Variants in FHIP1A observed in about 807,000 individuals in gnomAD.
FHIP1A encodes FHF complex subunit HOOK-interacting protein 1A.
FHIP1A carries 61 observed loss-of-function variants against 88.6 expected under a neutral mutation model. That is an observed-to-expected ratio of 0.69 (90% CI 0.56 to 0.85). The LOEUF (loss-of-function observed/expected upper bound fraction) is 0.85. FHIP1A is among the 40% of genes least tolerant of loss of function. FHIP1A has a pLI of 0.00. For synonymous variants in FHIP1A, 478 were observed against 496.0 expected (o/e 0.96, Z 0.48); for missense variants, 1,154 against 1,273.5 (o/e 0.91, Z 1.43).
rs556413759 is a variant in FHIP1A at position 151,559,246 on chromosome 4, A to G, written c.-122-6892A>G. ...ACTTCAAATATGTTGTCATTGCTAT[A>G]CTTATGGTAGACATAGCAAGTCCTT... is the stretch of plus-strand genomic sequence containing the variant. On this transcript the variant is annotated intron_variant, in intron 3 of 13. Transcript: ENST00000435205. 3.3e-5 allele frequency among the ~76,000 whole-genome samples: 5 copies of G among 152,328 alleles called. No individual in the cohort carries two copies. The South Asian group carries it at 1.0e-3, about 32-fold the overall frequency.
intron 3 of FHIP1A, among the ~76,000 whole-genome samples, chr4:151,552,249 A>G (rs1363241640): frequency 1.3e-5 from 2 of 152,232 alleles, no homozygotes; most frequent in African/African-American, 2.4e-5. Flanking sequence ...TAGTTCAACC[A>G]TTGTGGAAGA....
At chr4:151,657,403 G>T (rs1442812248) in intron 13 of FHIP1A, among the ~76,000 whole-genome samples, 1 of 152,120 alleles carries the variant, frequency 6.6e-6, no homozygotes, top group African/African-American at 2.4e-5. Context: ...TAAAGTTTAT[G>T]CTCAGCCTAA....
chr4:151,480,396 T>A (rs541651954), intron 2 of FHIP1A, among the ~76,000 whole-genome samples: 1 of 152,164 alleles, frequency 6.6e-6, no homozygotes, highest in East Asian at 1.9e-4. Context: ...GTATTTCTCA[T>A]GAATTAGGGA....
intron 3 of FHIP1A, among the ~76,000 whole-genome samples, chr4:151,494,801 A>T (rs1730402539): frequency 6.6e-6 from 1 of 152,312 alleles, no homozygotes; most frequent in African/African-American, 2.4e-5. Context: ...CCTCTCCATG[A>T]GCATGGAATG....
chr4:151,452,304 T>A (rs1728817844), intron 1 of FHIP1A, among the ~76,000 whole-genome samples: 1 of 152,230 alleles, frequency 6.6e-6, no homozygotes. Context: ...TAGTGCTCTG[T>A]ATTCTGGCAG....
chr4:151,588,914 T>G lies in FHIP1A; in HGVS notation c.966T>G (p.Pro322=). 6.5e-7 allele frequency: 1 copy of G among 1,547,486 alleles called. No individual in the cohort carries two copies. The highest frequency in any genetic ancestry group is 8.7e-7 in the Non-Finnish European group (1 of 1,143,102). The change falls in exon 7 of 14, where the codon CCT becomes CCG. Residue 322 remains proline (P), a synonymous_variant. Coordinates refer to ENST00000435205, the MANE Select transcript of FHIP1A (RefSeq NM_001109977.3). ...GATTTTTGGTACCAGTCTTGGCTCC[T>G]GCTCTCCATAAGGTCAGTGATTGGC... ...YNGFLVPVLA[P]ALHKVTVEEV... is the part of the protein sequence containing the mutation.
At chr4:151,657,317 C>T (rs548090275) in intron 13 of FHIP1A, among the ~76,000 whole-genome samples, 9 of 151,926 alleles carry the variant, frequency 5.9e-5, no homozygotes, top group Non-Finnish European at 4.4e-5. Flanking sequence ...GCTCTTGGGC[C>T]AAAAATAAGT....
At chr4:151,506,081 A>G (rs1004833232) in intron 3 of FHIP1A, among the ~76,000 whole-genome samples, 6 of 152,028 alleles carry the variant, frequency 3.9e-5, no homozygotes, top group African/African-American at 1.4e-4. Flanking sequence ...GCCACCATGC[A>G]TGGCTAATTT....
intron 1 of FHIP1A, among the ~76,000 whole-genome samples, chr4:151,419,414 A>T (rs1448689844): frequency 1.3e-5 from 2 of 152,122 alleles, no homozygotes; most frequent in Non-Finnish European, 2.9e-5. Flanking sequence ...TGCGTAAGCC[A>T]CTTCCTTATA....
At chr4:151,504,738 C>A (rs1040610006) in intron 3 of FHIP1A, among the ~76,000 whole-genome samples, 6 of 152,164 alleles carry the variant, frequency 3.9e-5, no homozygotes, top group African/African-American at 1.4e-4. Flanking sequence ...TCACTTGCTT[C>A]AGCCTCCCAG....
intron 5 of FHIP1A, 131 bp downstream of exon 5, chr4:151,578,207 T>C (rs1733880313): frequency 1.2e-6 from 1 of 838,750 alleles, no homozygotes; most frequent in Non-Finnish European, 1.8e-6. Flanking sequence ...GAAGGATGTT[T>C]AGAGGAAATC....
chr4:151,492,297 G>A (rs12502207), intron 3 of FHIP1A, among the ~76,000 whole-genome samples: 474 of 152,164 alleles, frequency 3.1e-3, no homozygotes, highest in Admixed American at 5.2e-3. Flanking sequence ...AGCTGGGGGC[G>A]GTTGTGTAAT....
rs767105425 is a variant in FHIP1A, at chr4:151,629,879, G to A, written c.1146+10G>A. On this transcript the variant is annotated intron_variant, in intron 8 of 13. Transcript: ENST00000435205. ...CAACACCCCGTTTCGGGTAAGGAGA[G>A]CGCCAGAGGAAGGGAACTTACAACT... The A allele has an allele frequency of 3.2e-6, 5 of 1,548,892 alleles. No homozygotes were observed. Among genetic ancestry groups the A allele is most frequent in the South Asian group, 2.4e-5 (2 of 83,686 alleles).
At chr4:151,410,787 T>C (rs1437529092) in intron 1 of FHIP1A, among the ~76,000 whole-genome samples, 1 of 152,278 alleles carries the variant, frequency 6.6e-6, no homozygotes, top group Non-Finnish European at 1.5e-5. Context: ...TTGTTGGCTT[T>C]AGGTAACTTT....
intron 3 of FHIP1A, among the ~76,000 whole-genome samples, chr4:151,552,124 A>G (rs558927824): frequency 1.3e-5 from 2 of 152,322 alleles, no homozygotes; most frequent in South Asian, 2.1e-4. Context: ...AAACCACGTA[A>G]GATACCATCT....
At chr4:151,477,239 G>A (rs1002608768) in intron 2 of FHIP1A, among the ~76,000 whole-genome samples, 4 of 152,140 alleles carry the variant, frequency 2.6e-5, no homozygotes, top group African/African-American at 9.7e-5. Flanking sequence ...ACCATATTTA[G>A]CATACAATAA....
intron 8 of FHIP1A, among the ~76,000 whole-genome samples, chr4:151,633,486 A>G (rs1736232494): frequency 6.6e-6 from 1 of 151,890 alleles, no homozygotes; most frequent in South Asian, 2.1e-4. Flanking sequence ...TAATACCAAA[A>G]CTAGACAAAG....
At chr4:151,515,067 C>T (rs1731177518) in intron 3 of FHIP1A, among the ~76,000 whole-genome samples, 1 of 152,144 alleles carries the variant, frequency 6.6e-6, no homozygotes, top group African/African-American at 2.4e-5. Flanking sequence ...AAAATACTGG[C>T]AAACTGAATC....
At chr4:151,613,586 C>CA (rs143348196) in intron 7 of FHIP1A, among the ~76,000 whole-genome samples, 6 of 151,762 alleles carry the variant, frequency 4.0e-5, no homozygotes, top group South Asian at 2.1e-4. Context: ...AACTAGGTTA[C>CA]AAAAAAAAGC....
Sources: gnomAD v4.1 joint callset for allele counts (sites outside exome capture counted in the v4.1 genomes callset) on GRCh38, gnomAD v4.1.1 for gene constraint, MANE v1.5 for transcripts, NCBI Gene and HGNC (gene_info 2026-07-23, HGNC 2026-07-21) for gene names.